NEDD9: variants seen among roughly 807,000 people sequenced by gnomAD.
The protein encoded by NEDD9 is neural precursor cell expressed, developmentally down-regulated 9.
In NEDD9, 26 loss-of-function variants were observed where a neutral mutation model predicts 76.6. That is an observed-to-expected ratio of 0.34 (90% CI 0.25 to 0.47). The LOEUF is 0.47. Among genes scored for constraint, NEDD9 ranks in the 20% least tolerant of loss-of-function variants. The probability of loss-of-function intolerance (pLI) is 1.00; values close to 1 mark genes in which losing one functional copy is unlikely to be tolerated. For missense variants in NEDD9, 937 were observed against 1,058.5 expected (o/e 0.89, Z 1.59); for synonymous variants, 392 against 414.2 (o/e 0.95, Z 0.65).
chr6:11,191,509 C>T (rs1041102276), intron 4 of NEDD9, among the ~76,000 whole-genome samples: 1 of 152,102 alleles, frequency 6.6e-6, no homozygotes, highest in East Asian at 1.9e-4. Flanking sequence ...TGATCTGTGC[C>T]GAGAGGCAGA....
At chr6:11,326,815 C>T (rs780561352) in intron 2 of NEDD9, among the ~76,000 whole-genome samples, 3 of 152,232 alleles carry the variant, frequency 2.0e-5, no homozygotes, top group African/African-American at 2.4e-5. Context: ...AAAGGTCCCA[C>T]GGTTCAGGCC....
chr6:11,275,950 T>C (rs77868360), intron 3 of NEDD9, among the ~76,000 whole-genome samples: 12,449 of 152,214 alleles, frequency 0.082, 596 homozygotes, highest in Middle Eastern at 0.15. Flanking sequence ...TTCAACCTCC[T>C]CAAACGGGAA....
Position 11,184,929 on chromosome 6 carries a change from A to T in NEDD9, c.*233T>A. 1 of 432,980 alleles carries T rather than the reference A, an allele frequency of 2.3e-6. No homozygotes were observed. 26.8% of individuals were successfully genotyped at this position (432,980 alleles called of 1,614,324 possible). ...AAGCACGTGGACAAGTTTTCTGTAC[A>T]GTTTATGTCTCAGATACTTCTATGT... On this transcript the variant is annotated 3_prime_UTR_variant, in exon 7 of 7. Transcript: ENST00000379446.
At chr6:11,245,961 AAATTTAAC>A (rs1054361881) in intron 3 of NEDD9, among the ~76,000 whole-genome samples, 4 of 150,954 alleles carry the variant, frequency 2.6e-5, no homozygotes, top group Admixed American at 6.6e-5. Context: ...TTTTCTTTTT[AAATTTAAC>A]AAGGATATCC....
At chr6:11,380,798 G>GTCTTCT (rs148561911) in intron 1 of NEDD9, among the ~76,000 whole-genome samples, 26 of 150,682 alleles carry the variant, frequency 1.7e-4, no homozygotes, top group East Asian at 1.2e-3. Context: ...CCTAGTCATC[G>GTCTTCT]TCTTCTTCTT....
At position 11,213,958 on chromosome 6, in the gene NEDD9, A is replaced by G. The variant is rs1355053273; in HGVS notation, c.13-231T>C. On this transcript the variant is annotated intron_variant, in intron 1 of 6. Transcript: ENST00000379446. This position sits in a 1 kb window ranked among gnomAD's most constrained non-coding sequence, Gnocchi z 5.4. Reference sequence around the variant, plus strand: ...CCTCCTTGGAAAAGCTCAAAACACCAGAAGAGTTCTTTCCTCTAGCAGGAT... The same window carrying G: ...CCTCCTTGGAAAAGCTCAAAACACCGGAAGAGTTCTTTCCTCTAGCAGGAT... Among the ~76,000 whole-genome samples the G allele has an allele frequency of 6.6e-6, 1 of 152,230 alleles. No individual in the cohort carries two copies. Among genetic ancestry groups the G allele is most frequent in the Non-Finnish European group, 1.5e-5 (1 of 68,040 alleles).
chr6:11,318,129 T>G (rs1761631096), intron 2 of NEDD9, among the ~76,000 whole-genome samples: 1 of 152,196 alleles, frequency 6.6e-6, no homozygotes, highest in Non-Finnish European at 1.5e-5. Flanking sequence ...TCCGCTCTCC[T>G]GGGTTCCAGA....
At chr6:11,353,651 C>T (rs892736499) in intron 1 of NEDD9, among the ~76,000 whole-genome samples, 3 of 152,184 alleles carry the variant, frequency 2.0e-5, no homozygotes, top group African/African-American at 7.2e-5. Context: ...GACACAGTGG[C>T]CCCACTACTA....
At chr6:11,362,909 A>G (rs1389070266) in intron 1 of NEDD9, among the ~76,000 whole-genome samples, 1 of 152,244 alleles carries the variant, frequency 6.6e-6, no homozygotes, top group Non-Finnish European at 1.5e-5. Flanking sequence ...ACAACTAACA[A>G]TGCTAATGCT....
intron 3 of NEDD9, among the ~76,000 whole-genome samples, chr6:11,239,735 T>G (rs1759673732): frequency 6.6e-6 from 1 of 152,024 alleles, no homozygotes; most frequent in South Asian, 2.1e-4. Flanking sequence ...TCTGAAAGAC[T>G]TGTTAAGTTC....
upstream of NEDD9, among the ~76,000 whole-genome samples, chr6:11,236,741 T>C (rs1759611744): frequency 6.6e-6 from 1 of 152,232 alleles, no homozygotes; most frequent in Non-Finnish European, 1.5e-5. This position sits in a 1 kb window ranked among gnomAD's most constrained non-coding sequence, Gnocchi z 5.5. Flanking sequence ...CTCACTGCTG[T>C]CATCTATCTT....
At chr6:11,249,893 T>A (rs981092435) in intron 3 of NEDD9, among the ~76,000 whole-genome samples, 17 of 152,176 alleles carry the variant, frequency 1.1e-4, no homozygotes, top group Non-Finnish European at 1.8e-4. Flanking sequence ...GGATCTGCCC[T>A]CCTGGTACAC....
chr6:11,297,132 G>GTTTTTTTTTTTTTTTTTGT (rs199939249), intron 3 of NEDD9, among the ~76,000 whole-genome samples: 1 of 129,296 alleles, frequency 7.7e-6, no homozygotes, highest in Non-Finnish European at 1.7e-5. Flanking sequence ...AATTTGTTTT[G>GTTTTTTTTTTTTTTTTTGT]TTTTTTTTTT....
At chr6:11,215,354 C>A (rs1057274662) in intron 1 of NEDD9, among the ~76,000 whole-genome samples, 1 of 152,136 alleles carries the variant, frequency 6.6e-6, no homozygotes, top group East Asian at 1.9e-4. Context: ...CTGAGGAGTG[C>A]ATATTTCAGG....
chr6:11,376,530 A>T (rs1452208390), intron 1 of NEDD9, among the ~76,000 whole-genome samples: 1 of 152,214 alleles, frequency 6.6e-6, no homozygotes, highest in African/African-American at 2.4e-5. Flanking sequence ...GTTTGAACTT[A>T]AGAGTGATGA....
In NEDD9 at chr6:11,326,895, G is replaced by T. The variant is rs182252908; in HGVS notation, c.-153+7606C>A. On this transcript the variant is annotated intron_variant, in intron 2 of 3. Coordinates refer to the NEDD9 transcript ENST00000397378. ...ATGACTTACTTGTGAAAACATAAGAGATGCATTCAGATAGGAGAAACAATT... is the reference window on the plus strand; with the variant it reads ...ATGACTTACTTGTGAAAACATAAGATATGCATTCAGATAGGAGAAACAATT... Among the ~76,000 whole-genome samples, 5 of 152,336 alleles carry T rather than the reference G, an allele frequency of 3.3e-5. No individual in the cohort carries two copies. In the East Asian group the frequency reaches 9.6e-4, roughly 29 times the overall value.
Position 11,193,662 on chromosome 6 carries a change from A to G in NEDD9, c.490T>C (p.Tyr164His), listed in dbSNP as rs1367635031. ...VITPVRTGHGYVYEYPSRYQK... is the reference protein window; with the variant it reads ...VITPVRTGHGHVYEYPSRYQK... ...TATCTGGATGGGTACTCGTATACGT[A>G]GCCATGGCCTGTCCTCACGGGGGTT... Residue 164 changes from tyrosine to histidine, a missense_variant, in exon 3 of 7, where the codon TAC becomes CAC. Transcript: ENST00000379446. 4 of 1,614,022 alleles carry G rather than the reference A, an allele frequency of 2.5e-6. No individual in the cohort carries two copies. The highest frequency in any genetic ancestry group is 2.2e-5 in the South Asian group (2 of 91,076).
rs1758863418 is a variant in NEDD9, at chr6:11,213,805, T to C, written c.13-78A>G. 2 of 1,285,230 alleles carry C rather than the reference T, an allele frequency of 1.6e-6. No homozygotes were observed. The highest frequency in any genetic ancestry group is 1.5e-5 in the African/African-American group (1 of 67,256). 79.6% of individuals were successfully genotyped at this position (1,285,230 alleles called of 1,614,324 possible). A position where few individuals can be genotyped will look rare whatever the true frequency, so the allele number is the denominator to read the frequency against. On this transcript the variant is annotated intron_variant, in intron 1 of 6. Coordinates refer to ENST00000379446, the MANE Select transcript of NEDD9 (RefSeq NM_006403.4). The surrounding 1 kb of genome is among the most constrained non-coding windows in gnomAD (Gnocchi z 5.4). ...TTATCACCTAAGGCCCGTGCTCTTATGGAAAGGCACACTTCCTGGAAAGAG... is the reference window on the plus strand; with the variant it reads ...TTATCACCTAAGGCCCGTGCTCTTACGGAAAGGCACACTTCCTGGAAAGAG...
At position 11,355,351 on chromosome 6, in the gene NEDD9, T is replaced by A. The variant is rs558907239; in HGVS notation, c.-213-20790A>T. On this transcript the variant is annotated intron_variant, in intron 1 of 3. Coordinates refer to the NEDD9 transcript ENST00000397378. ...AACTTCTCAAGGGGCTAGAAAAATT[T>A]AAAAAAAAATTAAAAACCAATAGTA... 2.1e-3 allele frequency among the ~76,000 whole-genome samples: 315 copies of A among 151,878 alleles called. 1 individual carries two copies. Among genetic ancestry groups the A allele is most frequent in the African/African-American group, 5.8e-3 (242 of 41,434 alleles).
Sources: gnomAD v4.1 joint callset for allele counts (sites outside exome capture counted in the v4.1 genomes callset) on GRCh38, gnomAD v4.1.1 for gene constraint, Gnocchi (gnomAD v3.1) non-coding constraint, MANE v1.5 for transcripts, NCBI Gene and HGNC (gene_info 2026-07-23, HGNC 2026-07-21) for gene names.